The following ZNF385D variants were observed in gnomAD, a reference collection of about 807,000 sequenced individuals.
ZNF385D encodes the protein zinc finger protein 385D.
In ZNF385D, 15 loss-of-function variants were observed where a neutral mutation model predicts 35.8. The observed-to-expected ratio is 0.42, with a 90% CI of 0.28 to 0.64. The LOEUF is 0.64. ZNF385D is among the 30% of genes least tolerant of loss of function. The pLI, the probability that ZNF385D is intolerant of heterozygous loss-of-function variation, is 0.23. For synonymous variants in ZNF385D, 212 were observed against 186.8 expected, an observed-to-expected ratio of 1.13 and a Z score of -1.10; for missense variants, 474 against 494.6, an observed-to-expected ratio of 0.96 and a Z score of 0.39.
chr3:21,528,294 C>T (rs780233553), intron 3 of ZNF385D, among the ~76,000 whole-genome samples: 7 of 152,086 alleles, frequency 4.6e-5, no homozygotes, highest in African/African-American at 1.7e-4. Context: ...CTAGCTAGTT[C>T]GTGGGGTGCA....
chr3:22,008,581 C>T (rs569562470), intron 3 of ZNF385D, among the ~76,000 whole-genome samples: 4 of 152,136 alleles, frequency 2.6e-5, no homozygotes, highest in Admixed American at 6.5e-5. Flanking sequence ...TGGTCTCGAT[C>T]TCCTGACCTC....
At chr3:21,565,052 A>G (rs2063095450) in intron 2 of ZNF385D, among the ~76,000 whole-genome samples, 1 of 152,222 alleles carries the variant, frequency 6.6e-6, no homozygotes, top group Admixed American at 6.5e-5. Flanking sequence ...ACCATTGCCC[A>G]AAAATGGATT....
At chr3:22,203,696 G>A (rs549111450) in intron 2 of ZNF385D, among the ~76,000 whole-genome samples, 1 of 152,266 alleles carries the variant, frequency 6.6e-6, no homozygotes, top group East Asian at 1.9e-4. Context: ...TGGCCTGGCA[G>A]TAGTCCAAAT....
At chr3:22,277,734 C>A (rs1478893830) in intron 2 of ZNF385D, among the ~76,000 whole-genome samples, 1 of 152,022 alleles carries the variant, frequency 6.6e-6, no homozygotes, top group Non-Finnish European at 1.5e-5. Flanking sequence ...GATGAAACAA[C>A]AGGGAGGCAA....
rs576968028 is a variant in ZNF385D, at chr3:22,242,040, A to G, written c.107-73005T>C. ...AATTGAACAATGAGATCGCATGGAC[A>G]CAGGAAGGGGAACATCACACTCTGG... On this transcript the variant is annotated intron_variant, in intron 2 of 5. Transcript: ENST00000494108. 5.3e-3 allele frequency among the ~76,000 whole-genome samples: 775 copies of G among 147,468 alleles called. 31 individuals carry two copies. Among genetic ancestry groups the G allele is most frequent in the African/African-American group, 0.018 (729 of 39,866 alleles).
chr3:22,094,397 T>TATCAACAATATATATTGTTG (rs765674302), intron 3 of ZNF385D, among the ~76,000 whole-genome samples: 1 of 125,258 alleles, frequency 8.0e-6, no homozygotes, highest in Admixed American at 7.9e-5. Flanking sequence ...TATATATATA[T>TATCAACAATATATATTGTTG]ATATATATAT....
At chr3:21,977,827 C>A (rs1365935145) in intron 3 of ZNF385D, among the ~76,000 whole-genome samples, 1 of 151,928 alleles carries the variant, frequency 6.6e-6, no homozygotes, top group Non-Finnish European at 1.5e-5. Flanking sequence ...CAGAGCAAAA[C>A]CCTGTCTCTA....
intron 3 of ZNF385D, among the ~76,000 whole-genome samples, chr3:22,158,205 G>C (rs139117624): frequency 1.3e-5 from 2 of 152,008 alleles, no homozygotes; most frequent in Admixed American, 1.3e-4. Context: ...GGCTGGGCAG[G>C]TGAGTTATAT....
At chr3:22,139,435 A>AT (rs1401523279) in intron 3 of ZNF385D, among the ~76,000 whole-genome samples, 29 of 152,158 alleles carry the variant, frequency 1.9e-4, no homozygotes, top group Non-Finnish European at 4.0e-4. Context: ...CTATGCAGCC[A>AT]TAAAAAACGA....
intron 1 of ZNF385D, among the ~76,000 whole-genome samples, chr3:21,683,132 C>T (rs534566101): frequency 2.7e-5 from 4 of 149,836 alleles, no homozygotes; most frequent in African/African-American, 7.4e-5. Flanking sequence ...ACATGATCCA[C>T]AAATTGAAAA....
At chr3:21,873,298 G>T (rs957734252) in intron 3 of ZNF385D, among the ~76,000 whole-genome samples, 4 of 152,046 alleles carry the variant, frequency 2.6e-5, no homozygotes, top group Admixed American at 2.0e-4. Context: ...GTGACCACAT[G>T]GGCGGTATAT....
At chr3:21,447,660 T>C (rs920585022) in intron 4 of ZNF385D, among the ~76,000 whole-genome samples, 5 of 152,318 alleles carry the variant, frequency 3.3e-5, no homozygotes, top group South Asian at 2.1e-4. Context: ...GTTGGAATTA[T>C]GACATGATAA....
chr3:22,236,742 A>G (rs988681060), intron 2 of ZNF385D, among the ~76,000 whole-genome samples: 48 of 152,126 alleles, frequency 3.2e-4, no homozygotes, highest in African/African-American at 1.2e-3. Context: ...GGCAACTAGT[A>G]ATCTACTTTC....
chr3:21,688,770 CAA>C (rs2067188230), intron 1 of ZNF385D, among the ~76,000 whole-genome samples: 2 of 152,112 alleles, frequency 1.3e-5, no homozygotes, highest in South Asian at 2.1e-4. Flanking sequence ...TAAAATGACA[CAA>C]AGAGAGATTT....
intron 2 of ZNF385D, among the ~76,000 whole-genome samples, chr3:22,198,409 A>C (rs1045423632): frequency 2.0e-5 from 3 of 152,132 alleles, no homozygotes; most frequent in African/African-American, 7.2e-5. Flanking sequence ...TCTGGTACTA[A>C]GCATTGTGGA....
chr3:22,109,914 G>C (rs1050912550), intron 3 of ZNF385D, among the ~76,000 whole-genome samples: 1 of 151,970 alleles, frequency 6.6e-6, no homozygotes, highest in African/African-American at 2.4e-5. Flanking sequence ...CAAATATCCA[G>C]AATCTACAAT....
intron 3 of ZNF385D, among the ~76,000 whole-genome samples, chr3:21,535,171 A>G (rs940808876): frequency 2.6e-5 from 4 of 152,158 alleles, no homozygotes; most frequent in African/African-American, 7.2e-5. Flanking sequence ...TAGCAATGTC[A>G]GTACCTATCA....
intron 2 of ZNF385D, among the ~76,000 whole-genome samples, chr3:21,633,248 T>G (rs1159969403): frequency 1.3e-5 from 2 of 152,076 alleles, no homozygotes; most frequent in Non-Finnish European, 2.9e-5. Flanking sequence ...GAAGTCATGA[T>G]TATTCAATTA....
At chr3:22,026,764 A>G (rs1205602103) in intron 3 of ZNF385D, among the ~76,000 whole-genome samples, 1 of 152,180 alleles carries the variant, frequency 6.6e-6, no homozygotes, top group Admixed American at 6.5e-5. Flanking sequence ...ATCAAAAACA[A>G]TATTGCATCC....
Sources: gnomAD v4.1 joint callset for allele counts (sites outside exome capture counted in the v4.1 genomes callset) on GRCh38, gnomAD v4.1.1 for gene constraint, MANE v1.5 for transcripts, NCBI Gene and HGNC (gene_info 2026-07-23, HGNC 2026-07-21) for gene names.